IMPG2: variants seen among roughly 807,000 people sequenced by gnomAD.
IMPG2 encodes interphotoreceptor matrix proteoglycan 2.
IMPG2 carries 91 observed loss-of-function variants against 129.2 expected under a neutral mutation model. The observed-to-expected ratio is 0.70, with a 90% CI of 0.59 to 0.84. IMPG2 has a LOEUF of 0.84. IMPG2 is among the 40% of genes least tolerant of loss of function. The pLI is 0.00. For synonymous variants in IMPG2, 510 were observed against 517.7 expected (o/e 0.99, Z 0.20); for missense variants, 1,430 against 1,461.7 (o/e 0.98, Z 0.35).
chr3:101,304,432 T>C, intron 2 of IMPG2, 120 bp from the exon 3 acceptor site: 1 of 884,760 alleles, frequency 1.1e-6, no homozygotes, highest in Non-Finnish European at 1.8e-6. Flanking sequence ...TGGAGGGATG[T>C]AGGAATGATT....
chr3:101,257,384 T>A, intron 10 of IMPG2, 145 bp downstream of exon 10: 1 of 939,252 alleles, frequency 1.1e-6, no homozygotes, highest in Non-Finnish European at 1.6e-6. Context: ...GCTGCATGGC[T>A]AAAACTCCAT....
At chr3:101,235,111 A>G (rs1576744470) in intron 14 of IMPG2, among the ~76,000 whole-genome samples, 1 of 152,258 alleles carries the variant, frequency 6.6e-6, no homozygotes, top group African/African-American at 2.4e-5. Context: ...GTTTGTGTAT[A>G]TTGAACCACC....
intron 9 of IMPG2, among the ~76,000 whole-genome samples, chr3:101,258,551 C>T (rs1255577438): frequency 6.6e-6 from 1 of 152,074 alleles, no homozygotes; most frequent in Non-Finnish European, 1.5e-5. Context: ...TTTTCAGATA[C>T]TCTAGAAACA....
At chr3:101,304,408 T>C (rs1707168148) in intron 2 of IMPG2, 96 bp from the exon 3 acceptor site, 4 of 1,116,600 alleles carry the variant, frequency 3.6e-6, no homozygotes, top group Non-Finnish European at 5.4e-6. Context: ...CTTGAGACAC[T>C]GAAGTGTCCT....
chr3:101,241,532 G>T (rs1157146664), intron 14 of IMPG2, among the ~76,000 whole-genome samples: 1 of 152,194 alleles, frequency 6.6e-6, no homozygotes, highest in Non-Finnish European at 1.5e-5. Context: ...TACCATGGGG[G>T]CTATATGGAG....
intron 3 of IMPG2, among the ~76,000 whole-genome samples, chr3:101,292,060 A>G (rs1234022800): frequency 7.2e-5 from 11 of 152,234 alleles, no homozygotes; most frequent in Non-Finnish European, 2.9e-5. Context: ...ATATGATAGA[A>G]GGAATAGTGA....
intron 2 of IMPG2, among the ~76,000 whole-genome samples, chr3:101,305,878 G>A (rs571411955): frequency 9.9e-5 from 15 of 152,198 alleles, no homozygotes; most frequent in Non-Finnish European, 2.1e-4. Flanking sequence ...TTTCAGAGGC[G>A]CAGGACACTG....
At chr3:101,252,820 CG>C (rs921837916) in intron 11 of IMPG2, among the ~76,000 whole-genome samples, 5 of 152,062 alleles carry the variant, frequency 3.3e-5, no homozygotes, top group African/African-American at 1.2e-4. Context: ...GAATTTCCAT[CG>C]CTCCATTAAA....
chr3:101,285,600 C>T (rs574177049), intron 4 of IMPG2, among the ~76,000 whole-genome samples: 5 of 152,208 alleles, frequency 3.3e-5, no homozygotes, highest in East Asian at 1.9e-4. Flanking sequence ...CCACATGGTA[C>T]GTATTCAATA....
chr3:101,271,773 T>C (rs1706785058), intron 7 of IMPG2, among the ~76,000 whole-genome samples: 1 of 152,188 alleles, frequency 6.6e-6, no homozygotes, highest in South Asian at 2.1e-4. Flanking sequence ...GGAAGGGGAC[T>C]CTGTAGAAGA....
chr3:101,294,465 A>G (rs1411370241), intron 3 of IMPG2, among the ~76,000 whole-genome samples: 1 of 152,132 alleles, frequency 6.6e-6, no homozygotes, highest in East Asian at 1.9e-4. Flanking sequence ...GTGTATACGC[A>G]CCACGTTTTC....
intron 3 of IMPG2, among the ~76,000 whole-genome samples, chr3:101,297,298 T>G (rs1707090456): frequency 1.3e-5 from 2 of 152,148 alleles, no homozygotes; most frequent in Non-Finnish European, 2.9e-5. Flanking sequence ...TCTTCTTTAT[T>G]AGGATAGCTA....
intron 4 of IMPG2, among the ~76,000 whole-genome samples, chr3:101,290,865 C>A (rs912024340): frequency 6.6e-6 from 1 of 152,132 alleles, no homozygotes; most frequent in East Asian, 1.9e-4. Flanking sequence ...GTGGTACCTT[C>A]CTATATAACT....
intron 14 of IMPG2, 118 bp downstream of exon 14, chr3:101,242,570 G>A: frequency 1.3e-6 from 1 of 784,558 alleles, no homozygotes; most frequent in Admixed American, 1.9e-5. Flanking sequence ...AGATTTGTCT[G>A]ACATAGTACT....
intron 14 of IMPG2, among the ~76,000 whole-genome samples, chr3:101,235,403 T>C (rs1346456907): frequency 6.6e-6 from 1 of 152,232 alleles, no homozygotes; most frequent in African/African-American, 2.4e-5. Context: ...TAGGAATGCT[T>C]AACCACTATA....
Position 101,226,799 on chromosome 3 carries a change from A to G in IMPG2, c.*170T>C, listed in dbSNP as rs1011869222. On this transcript the variant is annotated 3_prime_UTR_variant, in exon 19 of 19. Transcript: ENST00000193391. ...AATAAAAATGGTAACATCTCTTACT[A>G]CATTCTGAAAACTTAAGCTGAAAAA... is the stretch of plus-strand genomic sequence containing the variant. 1 of 648,420 alleles carries G rather than the reference A, an allele frequency of 1.5e-6. No individual in the cohort carries two copies. Among genetic ancestry groups the G allele is most frequent in the South Asian group, 2.0e-5 (1 of 49,172 alleles). The allele number at this position is 648,420 out of a possible 1,614,324, so 40.2% of individuals were successfully genotyped here.
intron 2 of IMPG2, among the ~76,000 whole-genome samples, chr3:101,318,905 A>G (rs1348728424): frequency 1.3e-5 from 2 of 152,170 alleles, no homozygotes; most frequent in African/African-American, 4.8e-5. Context: ...CTGTTTAAAG[A>G]CAAAATAAAA....
intron 14 of IMPG2, among the ~76,000 whole-genome samples, chr3:101,242,204 C>T (rs1017323606): frequency 6.6e-6 from 1 of 152,020 alleles, no homozygotes; most frequent in Non-Finnish European, 1.5e-5. Context: ...TTGATATACA[C>T]AGAATACATT....
At chr3:101,254,110 T>G (rs1706573511) in intron 10 of IMPG2, among the ~76,000 whole-genome samples, 1 of 152,068 alleles carries the variant, frequency 6.6e-6, no homozygotes, top group South Asian at 2.1e-4. Context: ...AAATTAATTT[T>G]TAAGTAAAAA....
Sources: gnomAD v4.1 joint callset for allele counts (sites outside exome capture counted in the v4.1 genomes callset) on GRCh38, gnomAD v4.1.1 for gene constraint, MANE v1.5 for transcripts, NCBI Gene and HGNC (gene_info 2026-07-23, HGNC 2026-07-21) for gene names.